Variants in PRPSAP2 observed in about 807,000 individuals in gnomAD.
PRPSAP2 encodes phosphoribosyl pyrophosphate synthase-associated protein 2.
PRPSAP2 carries 24 observed loss-of-function variants against 40.6 expected under a neutral mutation model. That is an observed-to-expected ratio of 0.59 (90% CI 0.43 to 0.83). The LOEUF (loss-of-function observed/expected upper bound fraction) is 0.83. Among genes scored for constraint, PRPSAP2 ranks in the 40% least tolerant of loss-of-function variants. PRPSAP2 has a pLI of 0.00. For missense variants in PRPSAP2, 292 were observed against 465.6 expected (o/e 0.63, Z 3.43); for synonymous variants, 149 against 164.7 (o/e 0.90, Z 0.73).
rs3043912 is a variant in PRPSAP2 at position 18,883,403 on chromosome 17, C to CTTTT, written c.528+732_528+735dup. On this transcript the variant is annotated intron_variant, in intron 7 of 11. Transcript: ENST00000268835. ...ATTTTGCTTTTAGCTGTTTTTCTTT[C>CTTTT]TTTTTTTTTTTTTTTGGTGGGGGGT... is the stretch of plus-strand genomic sequence containing the variant. 1.8e-4 allele frequency among the ~76,000 whole-genome samples: 24 copies of CTTTT among 134,224 alleles called. 1 individual carries two copies. Among genetic ancestry groups the CTTTT allele is most frequent in the African/African-American group, 6.4e-4 (23 of 35,856 alleles). 88.1% of individuals were successfully genotyped at this position (134,224 alleles called of 152,430 possible). A position where few individuals can be genotyped will look rare whatever the true frequency, so the allele number is the denominator to read the frequency against.
At chr17:18,882,238 G>T (rs1428746846) in intron 6 of PRPSAP2, among the ~76,000 whole-genome samples, 1 of 152,064 alleles carries the variant, frequency 6.6e-6, no homozygotes, top group Non-Finnish European at 1.5e-5. Context: ...TAGGCTGGGT[G>T]CAGTGGCTCA....
At chr17:18,903,857 T>G (rs2040427573) in intron 8 of PRPSAP2, among the ~76,000 whole-genome samples, 1 of 152,230 alleles carries the variant, frequency 6.6e-6, no homozygotes, top group South Asian at 2.1e-4. Flanking sequence ...TCTTGTGTTC[T>G]AATGTCCTGA....
chr17:18,894,479 CTT>C (rs1201159228), intron 8 of PRPSAP2, among the ~76,000 whole-genome samples: 22 of 120,540 alleles, frequency 1.8e-4, no homozygotes, highest in East Asian at 4.7e-4. Context: ...TTTCAATAGT[CTT>C]TTTTTTTTTT....
intron 8 of PRPSAP2, among the ~76,000 whole-genome samples, chr17:18,900,047 C>T (rs9900602): frequency 0.012 from 1,782 of 152,024 alleles, 34 homozygotes; most frequent in African/African-American, 0.041. Context: ...CCACCACGCC[C>T]GGCTAATTTT....
intron 4 of PRPSAP2, among the ~76,000 whole-genome samples, chr17:18,872,298 T>C (rs1422998856): frequency 6.6e-6 from 1 of 151,242 alleles, no homozygotes; most frequent in Non-Finnish European, 1.5e-5. Flanking sequence ...AAAGTTACCA[T>C]GCTCGGAGTG....
intron 11 of PRPSAP2, chr17:18,929,789 T>C (rs920986953): frequency 2.0e-5 from 3 of 152,216 alleles, no homozygotes; most frequent in African/African-American, 7.2e-5. Context: ...TTCTACTTTT[T>C]AACTTATGAA....
intron 8 of PRPSAP2, among the ~76,000 whole-genome samples, chr17:18,894,479 C>CTTTTTTTTTTTTTTTT (rs1201159228): frequency 5.0e-5 from 6 of 120,580 alleles, no homozygotes; most frequent in Non-Finnish European, 6.8e-5. Context: ...TTTCAATAGT[C>CTTTTTTTTTTTTTTTT]TTTTTTTTTT....
At chr17:18,863,480 C>T (rs1313696719) in intron 1 of PRPSAP2, among the ~76,000 whole-genome samples, 2 of 151,904 alleles carry the variant, frequency 1.3e-5, no homozygotes, top group East Asian at 1.9e-4. Flanking sequence ...GATGATTAAA[C>T]GTATTCTTTC....
At chr17:18,860,236 T>G (rs562022098) in intron 1 of PRPSAP2, among the ~76,000 whole-genome samples, 1 of 152,038 alleles carries the variant, frequency 6.6e-6, no homozygotes, top group South Asian at 2.1e-4. Context: ...ATTTTTGTAT[T>G]TTTTAGTAGG....
chr17:18,898,439 AC>A (rs2040059237), intron 8 of PRPSAP2, among the ~76,000 whole-genome samples: 2 of 152,068 alleles, frequency 1.3e-5, no homozygotes. Context: ...TGTTTAGAGT[AC>A]CTCCTTTTGC....
chr17:18,912,332 G>A (rs996484064), intron 9 of PRPSAP2, among the ~76,000 whole-genome samples: 6 of 152,206 alleles, frequency 3.9e-5, no homozygotes, highest in East Asian at 3.9e-4. Context: ...GACCCCCTTC[G>A]TAGAGCAGAG....
At chr17:18,903,206 T>C (rs929407959) in intron 8 of PRPSAP2, among the ~76,000 whole-genome samples, 2 of 151,122 alleles carry the variant, frequency 1.3e-5, no homozygotes, top group African/African-American at 4.9e-5. Flanking sequence ...GATGGGTGGA[T>C]CTCCTGAGGT....
At chr17:18,928,787 T>C in intron 10 of PRPSAP2, 24 bp from the exon 11 acceptor site, 1 of 1,612,768 alleles carries the variant, frequency 6.2e-7, no homozygotes, top group Non-Finnish European at 8.5e-7. Context: ...TCATATACAT[T>C]CTTTTCCATC....
At chr17:18,928,788 CT>C (rs984349088) in intron 10 of PRPSAP2, 22 bp from the exon 11 acceptor site, 44 of 1,612,284 alleles carry the variant, frequency 2.7e-5, no homozygotes, top group Non-Finnish European at 3.5e-5. Flanking sequence ...CATATACATT[CT>C]TTTCCATCTG....
intron 9 of PRPSAP2, among the ~76,000 whole-genome samples, chr17:18,922,857 T>C (rs1374188340): frequency 6.6e-6 from 1 of 150,682 alleles, no homozygotes; most frequent in Non-Finnish European, 1.5e-5. Flanking sequence ...TATTTTTTTA[T>C]AGAGACAGGG....
intron 9 of PRPSAP2, among the ~76,000 whole-genome samples, chr17:18,919,204 A>G (rs2041544341): frequency 6.6e-6 from 1 of 152,094 alleles, no homozygotes; most frequent in African/African-American, 2.4e-5. Context: ...CGTTTCTACA[A>G]AAAGTTTAAA....
chr17:18,898,753 T>C (rs2040075297), intron 8 of PRPSAP2, among the ~76,000 whole-genome samples: 1 of 152,202 alleles, frequency 6.6e-6, no homozygotes, highest in Non-Finnish European at 1.5e-5. Context: ...TGGTGTTTGC[T>C]GGACTTCTTG....
At chr17:18,876,357 T>C (rs1027176088) in intron 5 of PRPSAP2, among the ~76,000 whole-genome samples, 2 of 152,200 alleles carry the variant, frequency 1.3e-5, no homozygotes, top group Admixed American at 1.3e-4. Context: ...AGAATACTTT[T>C]CTGAAAATCT....
At chr17:18,926,656 A>G (rs988412524) in intron 10 of PRPSAP2, among the ~76,000 whole-genome samples, 1 of 152,220 alleles carries the variant, frequency 6.6e-6, no homozygotes, top group Non-Finnish European at 1.5e-5. Flanking sequence ...CATCCTGTGT[A>G]TTCATTACCC....
Sources: gnomAD v4.1 joint callset for allele counts (sites outside exome capture counted in the v4.1 genomes callset) on GRCh38, gnomAD v4.1.1 for gene constraint, MANE v1.5 for transcripts, NCBI Gene and HGNC (gene_info 2026-07-23, HGNC 2026-07-21) for gene names.